Variants in APCDD1L observed in about 807,000 individuals in gnomAD.
The protein encoded by APCDD1L is protein APCDD1-like.
A neutral mutation model predicts 24.2 loss-of-function variants in APCDD1L; 21 were observed. The observed-to-expected ratio is 0.87, with a 90% CI of 0.61 to 1.25. APCDD1L has a LOEUF of 1.25. Ranked by LOEUF, APCDD1L falls within the 50% of genes most tolerant of loss-of-function variation. APCDD1L has a pLI of 0.00. For missense variants in APCDD1L, 704 were observed against 711.7 expected (o/e 0.99, Z 0.12); for synonymous variants, 321 against 323.6 (o/e 0.99, Z 0.09).
rs1395539209 is a variant in APCDD1L at position 58,494,493 on chromosome 20, A to T, written c.49+20166T>A. Among the ~76,000 whole-genome samples, 2 of 134,004 alleles carry T rather than the reference A, an allele frequency of 1.5e-5. No individual in the cohort carries two copies. Among genetic ancestry groups the T allele is most frequent in the Non-Finnish European group, 3.2e-5 (2 of 63,490 alleles). 87.9% of individuals were successfully genotyped at this position (134,004 alleles called of 152,430 possible). ...GATTACAGGTGTGCACCACTGCCAC[A>T]CTCAGCTAATTTTTAATTTTTTTTT... On this transcript the variant is annotated intron_variant, in intron 1 of 3. Coordinates refer to ENST00000371149, the MANE Select transcript of APCDD1L (RefSeq NM_153360.3). The surrounding 1 kb of genome is among the most constrained non-coding windows in gnomAD (Gnocchi z 4.8).
chr20:58,478,270 T>C (rs973887746), intron 1 of APCDD1L, among the ~76,000 whole-genome samples: 2 of 152,212 alleles, frequency 1.3e-5, no homozygotes, highest in Non-Finnish European at 2.9e-5. Flanking sequence ...ATTCCTTTTA[T>C]TGGAAAATGG....
intron 3 of APCDD1L, among the ~76,000 whole-genome samples, chr20:58,462,844 A>AAAAAAG (rs1989635993): frequency 9.9e-6 from 1 of 101,134 alleles, no homozygotes; most frequent in Non-Finnish European, 1.9e-5. Context: ...ACACCATCTC[A>AAAAAAG]AAAAAAAAAA....
At chr20:58,488,740 C>A (rs1990169692) in intron 1 of APCDD1L, among the ~76,000 whole-genome samples, 1 of 152,002 alleles carries the variant, frequency 6.6e-6, no homozygotes, top group African/African-American at 2.4e-5. Flanking sequence ...TCGAGGTAAA[C>A]CTATAGGCTT....
intron 1 of APCDD1L, among the ~76,000 whole-genome samples, chr20:58,500,272 C>T (rs939273979): frequency 6.6e-6 from 1 of 152,184 alleles, no homozygotes; most frequent in Non-Finnish European, 1.5e-5. Context: ...CTTTCTACTA[C>T]GTTCTCTTTC....
At chr20:58,500,982 C>G (rs1003381953) in intron 1 of APCDD1L, among the ~76,000 whole-genome samples, 2 of 152,196 alleles carry the variant, frequency 1.3e-5, no homozygotes, top group Non-Finnish European at 2.9e-5. Flanking sequence ...GGTTAGCACT[C>G]TGCCAGGTAC....
chr20:58,466,513 G>A (rs1407462217), intron 3 of APCDD1L, among the ~76,000 whole-genome samples: 2 of 152,252 alleles, frequency 1.3e-5, no homozygotes, highest in Non-Finnish European at 2.9e-5. Flanking sequence ...TGGTGTGCGC[G>A]GCCCCAGCGG....
At chr20:58,480,069 G>T (rs918504910) in intron 1 of APCDD1L, among the ~76,000 whole-genome samples, 2 of 152,226 alleles carry the variant, frequency 1.3e-5, no homozygotes, top group Non-Finnish European at 2.9e-5. Flanking sequence ...CTGGTCCTCA[G>T]ATACCTCACA....
chr20:58,484,916 C>T (rs1478139343), intron 1 of APCDD1L, among the ~76,000 whole-genome samples: 1 of 151,766 alleles, frequency 6.6e-6, no homozygotes, highest in Non-Finnish European at 1.5e-5. Flanking sequence ...GTGCATCCTC[C>T]CAGAAAATGG....
In APCDD1L at chr20:58,495,666, C is replaced by T. The variant is rs145834128; in HGVS notation, c.49+18993G>A. On this transcript the variant is annotated intron_variant, in intron 1 of 3. Transcript: ENST00000371149. ...GAAGCCTCAGTGCCCTCGTCTGTCG[C>T]GGGGTCAGAGACATGTTTGGGGGAA... is the stretch of plus-strand genomic sequence containing the variant. 4.1e-4 allele frequency among the ~76,000 whole-genome samples: 63 copies of T among 152,232 alleles called. 1 individual carries two copies. Among genetic ancestry groups the T allele is most frequent in the South Asian group, 2.9e-3 (14 of 4,820 alleles).
In APCDD1L at chr20:58,461,926, T is replaced by G; in HGVS notation, c.742-372A>C. On this transcript the variant is annotated intron_variant, in intron 3 of 3. Transcript: ENST00000371149. This position sits in a 1 kb window ranked among gnomAD's most constrained non-coding sequence, Gnocchi z 6.0. The stretch of plus-strand genomic sequence containing the variant: ...ACACCACCCTCTTTTATCTTCCTCA[T>G]TCCACCCCCTGAGACTCTCCTCTCT... 4 of 205,092 alleles carry G rather than the reference T, an allele frequency of 2.0e-5. No individual in the cohort carries two copies. The highest frequency in any genetic ancestry group is 2.9e-5 in the Non-Finnish European group (3 of 103,140). 12.7% of individuals were successfully genotyped at this position (205,092 alleles called of 1,614,324 possible).
rs1990339837 is a variant in APCDD1L at position 58,497,150 on chromosome 20, TGAG to T, written c.49+17506_49+17508del. Reference sequence around the variant, plus strand: ...ACACCAGAGGTCACAAGATGGGGGATGAGGAGGGGGTTGGCGGGAGTATGGGAG... The same window carrying T: ...ACACCAGAGGTCACAAGATGGGGGATGAGGGGGTTGGCGGGAGTATGGGAG... On this transcript the variant is annotated intron_variant, in intron 1 of 3. Transcript: ENST00000371149. This position sits in a 1 kb window ranked among gnomAD's most constrained non-coding sequence, Gnocchi z 4.3. Among the ~76,000 whole-genome samples, 1 of 124,432 alleles carries T rather than the reference TGAG, an allele frequency of 8.0e-6. No homozygotes were observed. Among genetic ancestry groups the T allele is most frequent in the African/African-American group, 3.1e-5 (1 of 32,226 alleles). The allele number at this position is 124,432 out of a possible 152,430, so 81.6% of individuals were successfully genotyped here.
In APCDD1L at chr20:58,508,623, G is replaced by A. The variant is rs561611149; in HGVS notation, c.49+6036C>T. ...TGGAGGAGCTGAGGAGGGCCTCTGC[G>A]GCAGGGCCCTTCAGTGCAGCTGTGA... On this transcript the variant is annotated intron_variant, in intron 1 of 3. Coordinates refer to ENST00000371149, the MANE Select transcript of APCDD1L (RefSeq NM_153360.3). The surrounding 1 kb of genome is among the most constrained non-coding windows in gnomAD (Gnocchi z 4.0). Among the ~76,000 whole-genome samples, 35 of 152,272 alleles carry A rather than the reference G, an allele frequency of 2.3e-4. No homozygotes were observed. Among genetic ancestry groups the A allele is most frequent in the Non-Finnish European group, 2.9e-4 (20 of 68,018 alleles).
At chr20:58,500,068 A>G (rs1990401996) in intron 1 of APCDD1L, among the ~76,000 whole-genome samples, 1 of 151,624 alleles carries the variant, frequency 6.6e-6, no homozygotes, top group African/African-American at 2.4e-5. Flanking sequence ...ACAAATTCCA[A>G]AGTGCTCTAC....
At chr20:58,501,702 C>T (rs910176385) in intron 1 of APCDD1L, among the ~76,000 whole-genome samples, 7 of 152,226 alleles carry the variant, frequency 4.6e-5, no homozygotes, top group Admixed American at 2.0e-4. Context: ...AGGGTCTCAC[C>T]TCTCTCTAAC....
intron 1 of APCDD1L, among the ~76,000 whole-genome samples, chr20:58,484,154 G>A (rs533099863): frequency 2.0e-5 from 3 of 152,332 alleles, no homozygotes; most frequent in Admixed American, 1.3e-4. Context: ...AGGGAGATGT[G>A]TGAGATAGAT....
At chr20:58,468,260 A>G (rs570954256) in intron 2 of APCDD1L, among the ~76,000 whole-genome samples, 1 of 152,304 alleles carries the variant, frequency 6.6e-6, no homozygotes, top group East Asian at 1.9e-4. Context: ...GCAGCTATAG[A>G]TGATACGTGC....
chr20:58,461,123 C>T lies in APCDD1L; in HGVS notation c.1173G>A (p.Arg391=), dbSNP rs267606018. The part of the protein sequence containing the change: ...GAGAWSMGTE[R]DVTATNGCLP... ...GGCAGCCGTTGGTGGCTGTGACATC[C>T]CGCTCAGTGCCCATGGACCAGGCCC... Residue 391 remains arginine, a synonymous_variant, in exon 4 of 4, where the codon CGG becomes CGA. Coordinates refer to ENST00000371149, the MANE Select transcript of APCDD1L (RefSeq NM_153360.3). The surrounding 1 kb of genome is among the most constrained non-coding windows in gnomAD (Gnocchi z 6.0). 1.9e-6 allele frequency: 3 copies of T among 1,613,768 alleles called. No homozygotes were observed. Among genetic ancestry groups the T allele is most frequent in the Non-Finnish European group, 2.5e-6 (3 of 1,179,872 alleles).
At position 58,508,984 on chromosome 20, in the gene APCDD1L, ATG is replaced by A. The variant is rs1340183661; in HGVS notation, c.49+5673_49+5674del. Among the ~76,000 whole-genome samples the A allele has an allele frequency of 1.6e-5, 2 of 126,626 alleles. No individual in the cohort carries two copies. The highest frequency in any genetic ancestry group is 4.9e-4 in the East Asian group (2 of 4,080). 83.1% of individuals were successfully genotyped at this position (126,626 alleles called of 152,430 possible). A position where few individuals can be genotyped will look rare whatever the true frequency, so the allele number is the denominator to read the frequency against. Reference sequence around the variant, plus strand: ...TGTCTGTGTGCGCACGTGTGTGTGCATGTGCATGCGTGTGTGTGTGTGTGTGT... The same window carrying A: ...TGTCTGTGTGCGCACGTGTGTGTGCATGCATGCGTGTGTGTGTGTGTGTGT... On this transcript the variant is annotated intron_variant, in intron 1 of 3. Transcript: ENST00000371149. The surrounding 1 kb of genome is among the most constrained non-coding windows in gnomAD (Gnocchi z 4.0).
chr20:58,492,752 CAATG>C (rs1259953418), intron 1 of APCDD1L, among the ~76,000 whole-genome samples: 1 of 152,250 alleles, frequency 6.6e-6, no homozygotes, highest in African/African-American at 2.4e-5. Context: ...CATACAGACA[CAATG>C]AAAACATGCA....
Sources: allele counts gnomAD v4.1 joint callset (sites outside exome capture counted in the v4.1 genomes callset), GRCh38; gene constraint gnomAD v4.1.1; non-coding constraint Gnocchi (gnomAD v3.1); transcripts MANE v1.5; gene names NCBI Gene and HGNC (gene_info 2026-07-23, HGNC 2026-07-21).